Variants in SOX5 observed in about 807,000 individuals in gnomAD.
The protein encoded by SOX5 is SRY-box transcription factor 5, also known as transcription factor SOX-5.
Under a neutral mutation model 92.0 loss-of-function variants are expected in SOX5, and 9 were observed. That is an observed-to-expected ratio of 0.10 (90% CI 0.06 to 0.17). The LOEUF (loss-of-function observed/expected upper bound fraction) is 0.17. Among genes scored for constraint, SOX5 ranks in the 10% least tolerant of loss-of-function variants. The probability of loss-of-function intolerance (pLI) is 1.00; values close to 1 mark genes in which losing one functional copy is unlikely to be tolerated. For synonymous variants in SOX5, 344 were observed against 336.3 expected (o/e 1.02, Z -0.25); for missense variants, 642 against 944.5 (o/e 0.68, Z 4.20).
chr12:23,601,805 T>C (rs1279001694), intron 9 of SOX5, among the ~76,000 whole-genome samples: 1 of 152,160 alleles, frequency 6.6e-6, no homozygotes, highest in Non-Finnish European at 1.5e-5. Flanking sequence ...GTATTACTTA[T>C]TGGTGTGGCT....
At chr12:24,073,546 C>T (rs958523426) in intron 4 of SOX5, among the ~76,000 whole-genome samples, 2 of 152,178 alleles carry the variant, frequency 1.3e-5, no homozygotes, top group African/African-American at 4.8e-5. Flanking sequence ...TGGTAACTTA[C>T]TGTTGCTCTA....
At chr12:24,211,541 G>A (rs1376126762) in intron 4 of SOX5, among the ~76,000 whole-genome samples, 1 of 152,196 alleles carries the variant, frequency 6.6e-6, no homozygotes, top group Non-Finnish European at 1.5e-5. Flanking sequence ...CCAAAGTGAA[G>A]TGTTAGTACC....
chr12:23,967,726 TTAAC>T (rs2140099145), intron 4 of SOX5, among the ~76,000 whole-genome samples: 1 of 152,310 alleles, frequency 6.6e-6, no homozygotes, highest in South Asian at 2.1e-4. Context: ...GAAAGACTTC[TTAAC>T]TAAGTATTAG....
At chr12:24,557,078 C>T (rs1019513553) in intron 1 of SOX5, among the ~76,000 whole-genome samples, 3 of 151,968 alleles carry the variant, frequency 2.0e-5, no homozygotes, top group South Asian at 2.1e-4. Flanking sequence ...TAAGAAAGGG[C>T]ATCATAATTT....
In SOX5 at chr12:23,848,185, C is replaced by T. The variant is rs561779495; in HGVS notation, c.271-1992G>A. 2.0e-3 allele frequency among the ~76,000 whole-genome samples: 309 copies of T among 152,228 alleles called. 1 individual carries two copies. The highest frequency in any genetic ancestry group is 3.5e-3 in the Non-Finnish European group (236 of 67,994). ...ACTCTGCTTTCACATTATATGATGA[C>T]AAACTTTAGAAACAATAATTGGGCA... On this transcript the variant is annotated intron_variant, in intron 2 of 14. Coordinates refer to ENST00000451604, the MANE Select transcript of SOX5 (RefSeq NM_006940.6).
intron 3 of SOX5, among the ~76,000 whole-genome samples, chr12:23,783,872 G>A (rs544730040): frequency 6.6e-6 from 1 of 152,220 alleles, no homozygotes; most frequent in African/African-American, 2.4e-5. Context: ...CCAGACATTG[G>A]ACAAGTGTCT....
rs1343889553 is a variant in SOX5, at chr12:24,112,905, CCA to C, written c.-2+100436_-2+100437del. Among the ~76,000 whole-genome samples the C allele has an allele frequency of 2.0e-5, 3 of 151,868 alleles. No homozygotes were observed. The East Asian group carries it at 5.8e-4, about 29-fold the overall frequency. The stretch of plus-strand genomic sequence containing the variant: ...AATGGAAATAACGGTCTTTAGGGTT[CCA>C]TTTTTTTTCAATATGTGGAAGTTTA... On this transcript the variant is annotated intron_variant, in intron 4 of 4. Transcript: ENST00000446891.
intron 3 of SOX5, among the ~76,000 whole-genome samples, chr12:23,838,230 A>G (rs2096460378): frequency 2.7e-5 from 4 of 147,544 alleles, no homozygotes; most frequent in African/African-American, 7.4e-5. Context: ...TGTAATTTAG[A>G]AAAACAAAGT....
intron 3 of SOX5, among the ~76,000 whole-genome samples, chr12:23,843,137 T>C (rs10842234): frequency 0.055 from 8,345 of 152,120 alleles, 330 homozygotes; most frequent in Non-Finnish European, 0.088. Flanking sequence ...TCCTGCAATA[T>C]ATCTGAACAG....
chr12:23,992,971 A>T (rs758855735), intron 4 of SOX5, among the ~76,000 whole-genome samples: 1 of 152,180 alleles, frequency 6.6e-6, no homozygotes, highest in Non-Finnish European at 1.5e-5. Context: ...ATAGTATGTG[A>T]CTTCTCCTTC....
intron 1 of SOX5, among the ~76,000 whole-genome samples, chr12:24,405,551 C>T (rs1232875984): frequency 1.3e-5 from 2 of 152,098 alleles, no homozygotes; most frequent in Non-Finnish European, 2.9e-5. Context: ...AAGCTAAGGG[C>T]AGATGTAAAC....
intron 2 of SOX5, among the ~76,000 whole-genome samples, chr12:24,288,380 C>T (rs914602560): frequency 6.6e-6 from 1 of 152,118 alleles, no homozygotes; most frequent in African/African-American, 2.4e-5. Flanking sequence ...CATAATAATG[C>T]TTTCAGAGTA....
At chr12:24,170,315 T>C (rs535027560) in intron 4 of SOX5, among the ~76,000 whole-genome samples, 6 of 152,116 alleles carry the variant, frequency 3.9e-5, no homozygotes, top group Non-Finnish European at 7.3e-5. Flanking sequence ...TCTGCATTAG[T>C]CAGTGCAAAG....
At chr12:24,251,747 T>A (rs1940105016) in intron 3 of SOX5, among the ~76,000 whole-genome samples, 1 of 151,902 alleles carries the variant, frequency 6.6e-6, no homozygotes, top group South Asian at 2.1e-4. Flanking sequence ...AATTTTTGTA[T>A]TTTTAGTAGA....
intron 2 of SOX5, among the ~76,000 whole-genome samples, chr12:24,296,512 T>A (rs1185466278): frequency 1.3e-5 from 2 of 152,220 alleles, no homozygotes; most frequent in Non-Finnish European, 2.9e-5. Context: ...TGAGCTTGTT[T>A]CTCCCTTCTT....
intron 4 of SOX5, among the ~76,000 whole-genome samples, chr12:23,961,441 A>T (rs1314486307): frequency 6.6e-6 from 1 of 152,058 alleles, no homozygotes; most frequent in East Asian, 1.9e-4. Flanking sequence ...GGTACACCAA[A>T]CTGGTATAGT....
chr12:24,182,279 G>T (rs76128262), intron 4 of SOX5, among the ~76,000 whole-genome samples: 5,367 of 152,240 alleles, frequency 0.035, 280 homozygotes, highest in African/African-American at 0.12. Flanking sequence ...AAGGGGAAAG[G>T]TCTTTTCATA....
At chr12:24,289,230 G>A (rs1296268050) in intron 2 of SOX5, among the ~76,000 whole-genome samples, 3 of 151,630 alleles carry the variant, frequency 2.0e-5, no homozygotes, top group Non-Finnish European at 2.9e-5. Flanking sequence ...GCAGTGAGCC[G>A]TGATCGCATC....
chr12:24,511,678 G>T (rs1359687005), intron 1 of SOX5, among the ~76,000 whole-genome samples: 3 of 152,020 alleles, frequency 2.0e-5, no homozygotes, highest in Non-Finnish European at 4.4e-5. Context: ...AGTTTTTGCG[G>T]CCGGGCGCAG....
Sources: gnomAD v4.1 joint callset for allele counts (sites outside exome capture counted in the v4.1 genomes callset) on GRCh38, gnomAD v4.1.1 for gene constraint, MANE v1.5 for transcripts, NCBI Gene and HGNC (gene_info 2026-07-23, HGNC 2026-07-21) for gene names.